NRXN3: variants seen among roughly 807,000 people sequenced by gnomAD.
NRXN3 encodes neurexin 3, also known as neurexin III.
In NRXN3, 32 loss-of-function variants were observed where a neutral mutation model predicts 137.6. The observed-to-expected ratio is 0.23, with a 90% confidence interval of 0.18 to 0.31. NRXN3 has a LOEUF of 0.31. Among genes scored for constraint, NRXN3 ranks in the 10% least tolerant of loss-of-function variants. NRXN3 has a pLI of 1.00. For synonymous variants in NRXN3, 798 were observed against 784.5 expected, an observed-to-expected ratio of 1.02 and a Z score of -0.29; for missense variants, 1,574 against 2,062.5, an observed-to-expected ratio of 0.76 and a Z score of 4.59.
intron 3 of NRXN3, among the ~76,000 whole-genome samples, chr14:78,283,570 G>A (rs1488758706): frequency 6.6e-6 from 1 of 151,248 alleles, no homozygotes; most frequent in Non-Finnish European, 1.5e-5. Flanking sequence ...ATGTAATGGT[G>A]CAATCTCAGC....
At chr14:78,802,496 C>T (rs1320251949) in intron 8 of NRXN3, among the ~76,000 whole-genome samples, 5 of 152,176 alleles carry the variant, frequency 3.3e-5, no homozygotes, top group Non-Finnish European at 5.9e-5. Context: ...AACTAACCTG[C>T]ACGTTGTGCA....
intron 15 of NRXN3, among the ~76,000 whole-genome samples, chr14:79,063,291 T>A (rs1399880765): frequency 6.6e-6 from 1 of 152,128 alleles, no homozygotes; most frequent in Non-Finnish European, 1.5e-5. Context: ...TGTTTTTTGT[T>A]TTTGTTTTTG....
At chr14:79,488,129 A>C (rs1017472036) in intron 16 of NRXN3, among the ~76,000 whole-genome samples, 4 of 152,196 alleles carry the variant, frequency 2.6e-5, no homozygotes, top group Non-Finnish European at 5.9e-5. Context: ...AAAGTGAAGT[A>C]GAATTTGCTG....
chr14:79,365,725 C>CAAAAAAAAAAAAAAAAAAAAA (rs569855024), intron 15 of NRXN3, among the ~76,000 whole-genome samples: 18 of 42,374 alleles, frequency 4.2e-4, no homozygotes, highest in African/African-American at 4.8e-4. Context: ...GACTCTGTCT[C>CAAAAAAAAAAAAAAAAAAAAA]AAAAAAAAAA....
At chr14:78,767,687 A>C (rs1268205979) in intron 8 of NRXN3, among the ~76,000 whole-genome samples, 2 of 152,212 alleles carry the variant, frequency 1.3e-5, no homozygotes, top group Non-Finnish European at 2.9e-5. Flanking sequence ...TAACTGATAC[A>C]GGGCTTTTAT....
intron 10 of NRXN3, among the ~76,000 whole-genome samples, chr14:78,873,976 CTT>C (rs3034392): frequency 1.8e-4 from 25 of 140,722 alleles, no homozygotes; most frequent in Non-Finnish European, 1.7e-4. Flanking sequence ...TCTTTTCTTT[CTT>C]TTTTTTTTTT....
chr14:79,210,491 CT>C (rs2067481614), intron 15 of NRXN3, among the ~76,000 whole-genome samples: 1 of 152,158 alleles, frequency 6.6e-6, no homozygotes, highest in Non-Finnish European at 1.5e-5. Flanking sequence ...ATCTGTGCAA[CT>C]AACACTCTGG....
At chr14:78,198,746 C>T (rs574568257) in intron 1 of NRXN3, among the ~76,000 whole-genome samples, 1 of 152,320 alleles carries the variant, frequency 6.6e-6, no homozygotes, top group South Asian at 2.1e-4. Context: ...AGGTGTCCAG[C>T]ACTTAGATGA....
intron 11 of NRXN3, among the ~76,000 whole-genome samples, chr14:78,964,872 A>G (rs960238043): frequency 2.6e-5 from 4 of 151,834 alleles, no homozygotes; most frequent in African/African-American, 4.8e-5. Flanking sequence ...AGTTCTAAAT[A>G]GTTCATTTGT....
intron 15 of NRXN3, among the ~76,000 whole-genome samples, chr14:79,364,650 G>T (rs757186867): frequency 7.2e-6 from 1 of 139,468 alleles, no homozygotes; most frequent in Non-Finnish European, 1.5e-5. Flanking sequence ...ATTTTTCAAT[G>T]AATCAATTAG....
intron 15 of NRXN3, among the ~76,000 whole-genome samples, chr14:79,294,784 G>A (rs1437885651): frequency 6.6e-6 from 1 of 152,140 alleles, no homozygotes; most frequent in African/African-American, 2.4e-5. Context: ...GCAATGCAAG[G>A]CACTGGTCCA....
intron 10 of NRXN3, among the ~76,000 whole-genome samples, chr14:78,888,143 TTA>T (rs1312719865): frequency 2.8e-4 from 43 of 152,226 alleles, no homozygotes; most frequent in Admixed American, 2.6e-3. Flanking sequence ...AGCTGCCAAG[TTA>T]TAGTTCATCA....
chr14:79,857,069 T>C (rs12890943), intron 20 of NRXN3, among the ~76,000 whole-genome samples: 7,574 of 152,274 alleles, frequency 0.05, 247 homozygotes, highest in Non-Finnish European at 0.069. Context: ...ATGAATACTT[T>C]TGTAGGCATG....
chr14:78,795,417 G>C (rs1381100170), intron 8 of NRXN3, among the ~76,000 whole-genome samples: 2 of 152,134 alleles, frequency 1.3e-5, no homozygotes, highest in Non-Finnish European at 2.9e-5. Context: ...CTGAATGCCA[G>C]TGGGGAGATA....
intron 15 of NRXN3, among the ~76,000 whole-genome samples, chr14:79,079,116 C>A (rs911416957): frequency 6.6e-6 from 1 of 152,186 alleles, no homozygotes; most frequent in Non-Finnish European, 1.5e-5. Context: ...TGGCACTCTT[C>A]TGATTCCTGG....
chr14:79,135,790 T>A (rs1384147737), intron 15 of NRXN3, among the ~76,000 whole-genome samples: 2 of 152,218 alleles, frequency 1.3e-5, no homozygotes, highest in East Asian at 3.8e-4. Flanking sequence ...TTTCTTTTCA[T>A]TCCTATGAGA....
chr14:79,520,560 T>C (rs2097054265), intron 16 of NRXN3, among the ~76,000 whole-genome samples: 2 of 152,194 alleles, frequency 1.3e-5, no homozygotes, highest in African/African-American at 4.8e-5. Context: ...TGTTCCTGTG[T>C]TAGTTTGCTG....
intron 16 of NRXN3, among the ~76,000 whole-genome samples, chr14:79,479,847 G>A (rs963553406): frequency 2.6e-5 from 4 of 151,982 alleles, no homozygotes; most frequent in Admixed American, 6.6e-5. Flanking sequence ...AATGCAGTGC[G>A]GTAGAATAAG....
chr14:78,750,781 GTC>G (rs1489609949), intron 8 of NRXN3, among the ~76,000 whole-genome samples: 3 of 152,148 alleles, frequency 2.0e-5, no homozygotes, highest in Non-Finnish European at 2.9e-5. Flanking sequence ...ATGTTTTCAT[GTC>G]TGTTTATGAA....
Sources: allele counts gnomAD v4.1 joint callset (sites outside exome capture counted in the v4.1 genomes callset), GRCh38; gene constraint gnomAD v4.1.1; transcripts MANE v1.5; gene names NCBI Gene and HGNC (gene_info 2026-07-23, HGNC 2026-07-21).